CUX1: variants seen among roughly 807,000 people sequenced by gnomAD.
CUX1 encodes the protein cut like homeobox 1.
A neutral mutation model predicts 158.8 loss-of-function variants in CUX1; 31 were observed. The observed-to-expected ratio is 0.20, with a 90% confidence interval of 0.15 to 0.26. CUX1 has a LOEUF of 0.26. Among genes scored for constraint, CUX1 ranks in the 10% least tolerant of loss-of-function variants. The pLI, the probability that CUX1 is intolerant of heterozygous loss-of-function variation, is 1.00. For missense variants in CUX1, 1,589 were observed against 2,014.6 expected (o/e 0.79, Z 4.04); for synonymous variants, 879 against 862.1 (o/e 1.02, Z -0.34).
chr7:102,204,258 C>A, intron 18 of CUX1, 133 bp from the exon 19 acceptor site: 1 of 1,156,644 alleles, frequency 8.6e-7, no homozygotes. Context: ...GTCACCGCCA[C>A]CAGGCCGTGG....
At chr7:102,164,666 G>C (rs1420838953) in intron 9 of CUX1, among the ~76,000 whole-genome samples, 1 of 152,220 alleles carries the variant, frequency 6.6e-6, no homozygotes, top group Non-Finnish European at 1.5e-5. Context: ...TTGGTCTCCA[G>C]CTGTGGTAGC....
chr7:102,095,446 G>A (rs1446117197), intron 4 of CUX1, among the ~76,000 whole-genome samples: 4 of 152,160 alleles, frequency 2.6e-5, no homozygotes, highest in South Asian at 4.1e-4. Context: ...AGCAGCCAGG[G>A]ATTCTGCATG....
intron 7 of CUX1, 158 bp downstream of exon 7, chr7:102,111,932 C>A: frequency 1.6e-6 from 1 of 607,632 alleles, no homozygotes; most frequent in Admixed American, 2.8e-5. Context: ...AGCACGCCCG[C>A]CAGCTGCTGC....
At position 102,282,918 on chromosome 7, in the gene CUX1, C is replaced by T. The variant is rs58475609; in HGVS notation, c.1968-103C>T. ...CATTCTGGCCCTCCCCCTACCCCTACTCCCGGTATCCACTACCCCCTAGCC... is the reference window on the plus strand; with the variant it reads ...CATTCTGGCCCTCCCCCTACCCCTATTCCCGGTATCCACTACCCCCTAGCC... On this transcript the variant is annotated intron_variant, in intron 22 of 22. Transcript: ENST00000292538. 3.5e-3 allele frequency: 2,801 copies of T among 811,508 alleles called. 62 individuals carry two copies. In the African/African-American group the frequency reaches 0.042, roughly 12 times the overall value. 50.3% of individuals were successfully genotyped at this position (811,508 alleles called of 1,614,324 possible). A position where few individuals can be genotyped will look rare whatever the true frequency, so the allele number is the denominator to read the frequency against.
At position 102,251,745 on chromosome 7, in the gene CUX1, T is replaced by C. The variant is rs1801530858; in HGVS notation, c.*2703T>C. The C allele has an allele frequency of 1.0e-6, 1 of 984,956 alleles. No individual in the cohort carries two copies. Among genetic ancestry groups the C allele is most frequent in the Non-Finnish European group, 1.2e-6 (1 of 829,520 alleles). The allele number at this position is 984,956 out of a possible 1,614,324, so 61.0% of individuals were successfully genotyped here. The stretch of plus-strand genomic sequence containing the variant: ...AACCCTCAAGGGACTTTTGTCATCA[T>C]GTGTGATGAATCTTTAAATATCGTC... On this transcript the variant is annotated 3_prime_UTR_variant, in exon 24 of 24. Transcript: ENST00000292535.
chr7:102,183,098 T>C (rs2131832235), intron 11 of CUX1, among the ~76,000 whole-genome samples: 1 of 152,056 alleles, frequency 6.6e-6, no homozygotes, highest in Non-Finnish European at 1.5e-5. Context: ...ATAAAAGAGG[T>C]GGTATAAAAC....
intron 2 of CUX1, among the ~76,000 whole-genome samples, chr7:101,924,395 C>T (rs995029372): frequency 1.3e-5 from 2 of 152,022 alleles, no homozygotes; most frequent in African/African-American, 2.4e-5. Context: ...CCAGTGGACA[C>T]GTGGTGCACA....
rs1057398960 is a variant in CUX1 at position 102,060,608 on chromosome 7, A to C, written c.190-9731A>C. ...ATATATATATACACACACACAAATAAACACACACACACACACACACACACA... is the reference window on the plus strand; with the variant it reads ...ATATATATATACACACACACAAATACACACACACACACACACACACACACA... On this transcript the variant is annotated intron_variant, in intron 3 of 23. Transcript: ENST00000292535. 5.0e-4 allele frequency among the ~76,000 whole-genome samples: 67 copies of C among 133,306 alleles called. 1 individual carries two copies. The highest frequency in any genetic ancestry group is 2.1e-3 in the East Asian group (9 of 4,332). 87.5% of individuals were successfully genotyped at this position (133,306 alleles called of 152,430 possible).
intron 11 of CUX1, among the ~76,000 whole-genome samples, chr7:102,189,394 T>A (rs1211859750): frequency 8.4e-6 from 1 of 118,458 alleles, no homozygotes; most frequent in African/African-American, 3.2e-5. Flanking sequence ...TTTTTTTTTT[T>A]TAAAAAAAAA....
At chr7:101,900,219 C>A (rs760185386) in intron 1 of CUX1, among the ~76,000 whole-genome samples, 26 of 152,162 alleles carry the variant, frequency 1.7e-4, no homozygotes, top group Non-Finnish European at 2.6e-4. Flanking sequence ...AGGATTGACG[C>A]GGCCCCTTTA....
At chr7:101,817,274 G>T, upstream of CUX1, 3 of 984,908 alleles carry the variant, frequency 3.0e-6, no homozygotes, top group Non-Finnish European at 3.6e-6. The surrounding 1 kb of genome is among the most constrained non-coding windows in gnomAD (Gnocchi z 4.1). Context: ...GGCCCCCGGT[G>T]ACCTGCGGCG....
At chr7:102,075,155 G>A (rs771285398) in intron 4 of CUX1, among the ~76,000 whole-genome samples, 43 of 152,252 alleles carry the variant, frequency 2.8e-4, no homozygotes, top group Non-Finnish European at 6.0e-4. Flanking sequence ...ACCATGCCTG[G>A]CCTGTGTTCT....
chr7:102,238,581 A>G (rs1799843722), intron 22 of CUX1, among the ~76,000 whole-genome samples: 1 of 152,218 alleles, frequency 6.6e-6, no homozygotes, highest in African/African-American at 2.4e-5. Flanking sequence ...TTCTTGTTTT[A>G]TATTTTATTA....
chr7:102,128,261 A>G (rs1176133498), intron 8 of CUX1, among the ~76,000 whole-genome samples: 2 of 152,184 alleles, frequency 1.3e-5, no homozygotes, highest in African/African-American at 2.4e-5. Flanking sequence ...CTGCTGCTCC[A>G]TGACGTTTGT....
At chr7:102,055,782 G>T (rs191565124) in intron 3 of CUX1, among the ~76,000 whole-genome samples, 9 of 152,224 alleles carry the variant, frequency 5.9e-5, no homozygotes, top group Non-Finnish European at 8.8e-5. Flanking sequence ...TGAGAAAGGC[G>T]TGTTGAAAGC....
At chr7:101,930,549 A>G (rs1384441241) in intron 2 of CUX1, among the ~76,000 whole-genome samples, 1 of 152,204 alleles carries the variant, frequency 6.6e-6, no homozygotes, top group African/African-American at 2.4e-5. Flanking sequence ...ATTGACTAAC[A>G]TTGGCTTTTC....
chr7:101,923,599 C>CATTTTTGCCCTGATGT, intron 2 of CUX1, among the ~76,000 whole-genome samples: 1 of 152,326 alleles, frequency 6.6e-6, no homozygotes, highest in East Asian at 1.9e-4. Context: ...CGTCACTGGT[C>CATTTTTGCCCTGATGT]ATTTTTGCCC....
intron 2 of CUX1, among the ~76,000 whole-genome samples, chr7:101,943,249 G>A (rs1320517159): frequency 1.3e-5 from 2 of 151,972 alleles, no homozygotes; most frequent in Non-Finnish European, 2.9e-5. Context: ...TGGGATTACA[G>A]GTGCCCGCCA....
intron 2 of CUX1, among the ~76,000 whole-genome samples, chr7:101,922,919 T>C (rs1028517034): frequency 5.3e-5 from 8 of 152,254 alleles, no homozygotes; most frequent in African/African-American, 1.2e-4. Context: ...GTTAGAATCA[T>C]GTATGTGAGC....
Sources: gnomAD v4.1 joint callset for allele counts (sites outside exome capture counted in the v4.1 genomes callset) on GRCh38, gnomAD v4.1.1 for gene constraint, Gnocchi (gnomAD v3.1) non-coding constraint, MANE v1.5 for transcripts, NCBI Gene and HGNC (gene_info 2026-07-23, HGNC 2026-07-21) for gene names.